DCUN1D4: variants seen among roughly 807,000 people sequenced by gnomAD.
The protein encoded by DCUN1D4 is DCN1-like protein 4.
Under a neutral mutation model 47.9 loss-of-function variants are expected in DCUN1D4, and 22 were observed. That is an observed-to-expected ratio of 0.46 (90% CI 0.33 to 0.66). DCUN1D4 has a LOEUF of 0.66. Ranked by LOEUF, DCUN1D4 falls within the 30% of genes least tolerant of loss-of-function variation. The pLI, the probability that DCUN1D4 is intolerant of heterozygous loss-of-function variation, is 0.02. For synonymous variants in DCUN1D4, 121 were observed against 112.2 expected (o/e 1.08, Z -0.50); for missense variants, 301 against 340.8 (o/e 0.88, Z 0.92).
chr4:51,838,164 T>C (rs1721543908), upstream of DCUN1D4, among the ~76,000 whole-genome samples: 1 of 152,170 alleles, frequency 6.6e-6, no homozygotes, highest in African/African-American at 2.4e-5. Context: ...CAGTGATATA[T>C]CGAAGTCGAG....
intron 1 of DCUN1D4, chr4:51,848,276 G>C: frequency 7.8e-7 from 1 of 1,289,288 alleles, no homozygotes; most frequent in African/African-American, 1.5e-5. Flanking sequence ...TGTGCTGAGG[G>C]AACAGAAGGA....
rs563902928 is a variant in DCUN1D4, at chr4:51,889,033, C to T, written c.414+2395C>T. On this transcript the variant is annotated intron_variant, in intron 6 of 10. Coordinates refer to ENST00000334635, the MANE Select transcript of DCUN1D4 (RefSeq NM_001040402.3). ...CTGAGGCACAAGAATCACTTGAGCC[C>T]AGGAGGTGGAGGTTGCAGTGAGCCG... Among the ~76,000 whole-genome samples the T allele has an allele frequency of 5.9e-5, 9 of 152,050 alleles. No individual in the cohort carries two copies. In the East Asian group the frequency reaches 1.6e-3, roughly 26 times the overall value.
intron 4 of DCUN1D4, among the ~76,000 whole-genome samples, chr4:51,876,621 G>A (rs1241130713): frequency 1.3e-5 from 2 of 152,030 alleles, no homozygotes; most frequent in African/African-American, 4.8e-5. Flanking sequence ...AGTTTAAACT[G>A]CACAAGTCTA....
intron 4 of DCUN1D4, chr4:51,874,639 C>T: frequency 3.0e-6 from 1 of 334,954 alleles, no homozygotes; most frequent in Non-Finnish European, 5.5e-6. Context: ...AAAACTGGTG[C>T]AGAGTTGATT....
the DCUN1D4 span, among the ~76,000 whole-genome samples, chr4:51,837,472 G>A: frequency 6.6e-6 from 1 of 151,534 alleles, no homozygotes; most frequent in Non-Finnish European, 1.5e-5. Flanking sequence ...TCGAGACCAC[G>A]GTGAAACCCC....
At chr4:51,834,082 CTCTCTT>C in the DCUN1D4 span, among the ~76,000 whole-genome samples, 2 of 57,288 alleles carry the variant, frequency 3.5e-5, no homozygotes, top group South Asian at 7.2e-4. Context: ...CTCTCTCTCT[CTCTCTT>C]TTCTTTTCTT....
At chr4:51,843,069 C>T, upstream of DCUN1D4, 6 of 1,388,632 alleles carry the variant, frequency 4.3e-6, no homozygotes, top group Non-Finnish European at 5.6e-6. Flanking sequence ...AAATGAGAGA[C>T]GCAGCAGGGC....
At chr4:51,869,241 C>A (rs966032893) in intron 3 of DCUN1D4, among the ~76,000 whole-genome samples, 15 of 150,304 alleles carry the variant, frequency 1.0e-4, no homozygotes, top group Non-Finnish European at 1.0e-4. Context: ...GGAAAAAATT[C>A]TTTTGTCCTT....
chr4:51,899,857 C>G (rs938605381), intron 8 of DCUN1D4, among the ~76,000 whole-genome samples: 3 of 152,122 alleles, frequency 2.0e-5, no homozygotes, highest in African/African-American at 7.2e-5. Context: ...ATGTATTTTT[C>G]TAATCATCGT....
intron 3 of DCUN1D4, among the ~76,000 whole-genome samples, chr4:51,869,423 C>T (rs758803682): frequency 3.3e-5 from 5 of 151,930 alleles, no homozygotes; most frequent in Non-Finnish European, 7.4e-5. Context: ...GAATGAGCTC[C>T]GTAAAATGTT....
At chr4:51,851,876 A>G (rs1577843341) in intron 1 of DCUN1D4, among the ~76,000 whole-genome samples, 3 of 152,240 alleles carry the variant, frequency 2.0e-5, no homozygotes, top group South Asian at 4.1e-4. Context: ...CACACAGCTT[A>G]TAAGTGGTGA....
At chr4:51,911,719 T>C (rs1049459442) in intron 9 of DCUN1D4, among the ~76,000 whole-genome samples, 3 of 152,184 alleles carry the variant, frequency 2.0e-5, no homozygotes, top group African/African-American at 7.2e-5. Context: ...TCCAGCACTT[T>C]ATTCCATCAT....
intron 4 of DCUN1D4, chr4:51,874,835 G>A (rs79202915): frequency 0.011 from 1,702 of 152,948 alleles, 34 homozygotes; most frequent in African/African-American, 0.035. Flanking sequence ...GTGAGAATTC[G>A]ATAGAACTGT....
At chr4:51,854,232 T>C (rs1723793614) in intron 1 of DCUN1D4, among the ~76,000 whole-genome samples, 1 of 152,248 alleles carries the variant, frequency 6.6e-6, no homozygotes, top group Non-Finnish European at 1.5e-5. Flanking sequence ...TACAGAGTTG[T>C]AAATTGGTAT....
At chr4:51,870,509 T>C (rs1449414928) in intron 3 of DCUN1D4, among the ~76,000 whole-genome samples, 1 of 152,172 alleles carries the variant, frequency 6.6e-6, no homozygotes, top group Non-Finnish European at 1.5e-5. Context: ...ATGTACTTTT[T>C]TTTTTTTTAG....
chr4:51,872,936 G>A (rs1727130682), intron 3 of DCUN1D4, among the ~76,000 whole-genome samples: 3 of 152,320 alleles, frequency 2.0e-5, no homozygotes, highest in African/African-American at 7.2e-5. Flanking sequence ...AGCAACACCC[G>A]AACACAACAC....
At chr4:51,852,472 C>T (rs1282520001) in intron 1 of DCUN1D4, among the ~76,000 whole-genome samples, 4 of 152,042 alleles carry the variant, frequency 2.6e-5, no homozygotes, top group African/African-American at 9.7e-5. Context: ...ATGCAATTCC[C>T]AAAATTAAGC....
intron 8 of DCUN1D4, among the ~76,000 whole-genome samples, chr4:51,908,237 G>C (rs1230583400): frequency 6.6e-6 from 1 of 152,176 alleles, no homozygotes; most frequent in African/African-American, 2.4e-5. Context: ...AGCCTGTTCA[G>C]TTTGTATTAT....
chr4:51,911,191 T>C lies in DCUN1D4; in HGVS notation c.720+17T>C, dbSNP rs1209286868. 5 of 1,593,030 alleles carry C rather than the reference T, an allele frequency of 3.1e-6. No individual in the cohort carries two copies. Among genetic ancestry groups the C allele is most frequent in the African/African-American group, 1.4e-5 (1 of 74,052 alleles). On this transcript the variant is annotated intron_variant, in intron 9 of 10. Coordinates refer to ENST00000334635, the MANE Select transcript of DCUN1D4 (RefSeq NM_001040402.3). ...TTCTTAGAGGTACCAAATTGTTGTT[T>C]TATGAAATGTATGTTTGCTTGCTTG...
Sources: allele counts gnomAD v4.1 joint callset (sites outside exome capture counted in the v4.1 genomes callset), GRCh38; gene constraint gnomAD v4.1.1; transcripts MANE v1.5; gene names NCBI Gene and HGNC (gene_info 2026-07-23, HGNC 2026-07-21).